COX7B2: variants seen among roughly 807,000 people sequenced by gnomAD.
COX7B2 encodes the protein cytochrome c oxidase subunit 7B2.
For synonymous variants in COX7B2, 37 were observed against 32.1 expected, an observed-to-expected ratio of 1.15 and a Z score of -0.51; for missense variants, 109 against 95.9, an observed-to-expected ratio of 1.14 and a Z score of -0.57.
intron 1 of COX7B2, among the ~76,000 whole-genome samples, chr4:46,860,430 C>T (rs1375549316): frequency 6.6e-6 from 1 of 152,130 alleles, no homozygotes; most frequent in Admixed American, 6.5e-5. Context: ...ACATTGGTCT[C>T]CTTGCAGCAG....
At chr4:46,891,924 G>T (rs929462378) in intron 1 of COX7B2, among the ~76,000 whole-genome samples, 1 of 152,168 alleles carries the variant, frequency 6.6e-6, no homozygotes, top group Non-Finnish European at 1.5e-5. Context: ...CCAGCTCTGC[G>T]AAACACATAT....
chr4:46,865,213 C>A lies in COX7B2; in HGVS notation c.-104-20199G>T, dbSNP rs148146190. Among the ~76,000 whole-genome samples, 60 of 152,030 alleles carry A rather than the reference C, an allele frequency of 3.9e-4. No individual in the cohort carries two copies. In the East Asian group the frequency reaches 0.011, roughly 27 times the overall value. ...TGAGAACATATATTTTTTGGTTTTC[C>A]ACTCCTGTGTTACTTCACTTAGAAT... is the stretch of plus-strand genomic sequence containing the variant. On this transcript the variant is annotated intron_variant, in intron 1 of 2. Coordinates refer to ENST00000355591, the MANE Select transcript of COX7B2 (RefSeq NM_130902.3).
chr4:46,810,426 C>CATTA (rs1257536259), intron 2 of COX7B2, among the ~76,000 whole-genome samples: 1 of 151,896 alleles, frequency 6.6e-6, no homozygotes, highest in African/African-American at 2.4e-5. Context: ...TTATCTTTAT[C>CATTA]ATTAGTGTAG....
At chr4:46,855,144 A>C (rs1360936875) in intron 1 of COX7B2, among the ~76,000 whole-genome samples, 1 of 152,118 alleles carries the variant, frequency 6.6e-6, no homozygotes, top group Non-Finnish European at 1.5e-5. Flanking sequence ...CCTGGCCAAC[A>C]TGGTGAAAAC....
chr4:46,889,387 A>T lies in COX7B2; in HGVS notation c.-105+19773T>A, dbSNP rs543842637. ...TTCAACTCTTCTCCATGTCAACCAG[A>T]CCTAACACCACAATACTACATTCTT... On this transcript the variant is annotated intron_variant, in intron 1 of 2. Coordinates refer to ENST00000355591, the MANE Select transcript of COX7B2 (RefSeq NM_130902.3). Among the ~76,000 whole-genome samples the T allele has an allele frequency of 3.9e-5, 6 of 152,324 alleles. No homozygotes were observed. The South Asian group carries it at 1.0e-3, about 26-fold the overall frequency.
At chr4:46,886,885 G>A (rs916163333) in intron 1 of COX7B2, among the ~76,000 whole-genome samples, 1 of 152,138 alleles carries the variant, frequency 6.6e-6, no homozygotes, top group African/African-American at 2.4e-5. Context: ...AAAGGAAAGA[G>A]AAAACCCTTA....
At chr4:46,893,530 C>T (rs1444546473) in intron 1 of COX7B2, among the ~76,000 whole-genome samples, 1 of 152,130 alleles carries the variant, frequency 6.6e-6, no homozygotes, top group Non-Finnish European at 1.5e-5. Context: ...GAAATACATT[C>T]AGGCCTGAAT....
intron 1 of COX7B2, among the ~76,000 whole-genome samples, chr4:46,888,489 G>C (rs959852837): frequency 6.6e-6 from 1 of 151,088 alleles, no homozygotes; most frequent in Admixed American, 6.6e-5. Context: ...TGTTGCCCAG[G>C]CTGGAGTGCA....
chr4:46,861,639 G>C (rs1422366916), intron 1 of COX7B2, among the ~76,000 whole-genome samples: 1 of 152,176 alleles, frequency 6.6e-6, no homozygotes, highest in Non-Finnish European at 1.5e-5. Context: ...TTTACAATTA[G>C]ATTTATTCTG....
intron 2 of COX7B2, among the ~76,000 whole-genome samples, chr4:46,840,598 T>A (rs1403194887): frequency 6.6e-6 from 1 of 152,050 alleles, no homozygotes; most frequent in East Asian, 1.9e-4. Context: ...CTTTAAAACC[T>A]GACTGAAGGC....
chr4:46,824,078 A>G (rs1714500499), intron 2 of COX7B2, among the ~76,000 whole-genome samples: 1 of 152,166 alleles, frequency 6.6e-6, no homozygotes, highest in Admixed American at 6.5e-5. Context: ...GAATAACCTT[A>G]TATCTATTAA....
chr4:46,764,167 T>C (rs1215635481), intron 2 of COX7B2, among the ~76,000 whole-genome samples: 3 of 152,188 alleles, frequency 2.0e-5, no homozygotes, highest in Admixed American at 6.5e-5. Context: ...ACTTTGAGTG[T>C]ACATATTAAG....
At position 46,818,810 on chromosome 4, in the gene COX7B2, A is replaced by G. The variant is rs368095773; in HGVS notation, c.-50+26150T>C. On this transcript the variant is annotated intron_variant, in intron 2 of 2. Transcript: ENST00000355591. Reference sequence around the variant, plus strand: ...CTATAAAATGAACCACAGATGGCATATTAGTCTTAACTGTTCCACAAACAC... The same window carrying G: ...CTATAAAATGAACCACAGATGGCATGTTAGTCTTAACTGTTCCACAAACAC... Among the ~76,000 whole-genome samples the G allele has an allele frequency of 4.6e-5, 7 of 152,242 alleles. No individual in the cohort carries two copies. The East Asian group carries it at 1.3e-3, about 29-fold the overall frequency.
chr4:46,873,581 AT>A (rs1356093622), intron 1 of COX7B2, among the ~76,000 whole-genome samples: 8 of 152,136 alleles, frequency 5.3e-5, no homozygotes, highest in Non-Finnish European at 2.9e-5. Flanking sequence ...GAAGATGAGC[AT>A]TTTTTCATAT....
At chr4:46,835,866 C>A (rs904044826) in intron 2 of COX7B2, among the ~76,000 whole-genome samples, 1 of 152,168 alleles carries the variant, frequency 6.6e-6, no homozygotes, top group Non-Finnish European at 1.5e-5. Context: ...ATATGATACA[C>A]GCTACTGCTC....
At position 46,849,111 on chromosome 4, in the gene COX7B2, A is replaced by C. The variant is rs114167828; in HGVS notation, c.-104-4097T>G. 2.8e-3 allele frequency among the ~76,000 whole-genome samples: 430 copies of C among 152,206 alleles called. 1 individual carries two copies. Among genetic ancestry groups the C allele is most frequent in the African/African-American group, 9.8e-3 (408 of 41,562 alleles). On this transcript the variant is annotated intron_variant, in intron 1 of 2. Coordinates refer to ENST00000355591, the MANE Select transcript of COX7B2 (RefSeq NM_130902.3). ...CATAGTTATTTGAATACATGACTAT[A>C]AAATCCATGGATATGGAGGGCTAAC... is the stretch of plus-strand genomic sequence containing the variant.
At chr4:46,765,057 A>C (rs1401018174) in intron 2 of COX7B2, among the ~76,000 whole-genome samples, 1 of 151,998 alleles carries the variant, frequency 6.6e-6, no homozygotes, top group Non-Finnish European at 1.5e-5. Context: ...AAGAAATGCC[A>C]AGCAGAAGTG....
intron 2 of COX7B2, among the ~76,000 whole-genome samples, chr4:46,804,685 C>A (rs1422542213): frequency 6.6e-6 from 1 of 152,224 alleles, no homozygotes; most frequent in Admixed American, 6.5e-5. Flanking sequence ...ATACAGAGTG[C>A]TGATTGGTGT....
chr4:46,900,320 C>T (rs1720004769), intron 1 of COX7B2, among the ~76,000 whole-genome samples: 1 of 152,072 alleles, frequency 6.6e-6, no homozygotes, highest in South Asian at 2.1e-4. Context: ...AGGAATCATG[C>T]CCATTATGTT....
Sources: allele counts gnomAD v4.1 joint callset (sites outside exome capture counted in the v4.1 genomes callset), GRCh38; gene constraint gnomAD v4.1.1; transcripts MANE v1.5; gene names NCBI Gene and HGNC (gene_info 2026-07-23, HGNC 2026-07-21).